The following ZNF713 variants were observed in gnomAD, a reference collection of about 807,000 sequenced individuals.
ZNF713 encodes zinc finger protein 713.
A neutral mutation model predicts 28.7 loss-of-function variants in ZNF713; 21 were observed. That is an observed-to-expected ratio of 0.73 (90% confidence interval 0.52 to 1.05). The LOEUF is 1.05. Ranked by LOEUF, ZNF713 falls within the 50% of genes least tolerant of loss-of-function variation. The pLI, the probability that ZNF713 is intolerant of heterozygous loss-of-function variation, is 0.00. For synonymous variants in ZNF713, 167 were observed against 178.0 expected (o/e 0.94, Z 0.49); for missense variants, 458 against 532.4 (o/e 0.86, Z 1.37).
rs1786022638 is a variant in ZNF713, at chr7:55,923,037, A to G, written c.88-125A>G. 3 of 1,075,868 alleles carry G rather than the reference A, an allele frequency of 2.8e-6. 1 individual carries two copies. The South Asian group carries it at 1.1e-4, about 39-fold the overall frequency. 66.6% of individuals were successfully genotyped at this position (1,075,868 alleles called of 1,614,324 possible). On this transcript the variant is annotated intron_variant, in intron 4 of 6. Transcript: ENST00000429591. ...TTAAAAGAAAAGTTTGACCTGAACA[A>G]CTCAGAGTCCTGAAGACTATCAGCA...
At chr7:55,932,104 A>G (rs971269417) in intron 6 of ZNF713, among the ~76,000 whole-genome samples, 5 of 152,258 alleles carry the variant, frequency 3.3e-5, no homozygotes, top group African/African-American at 9.6e-5. Context: ...TCAATCAGGT[A>G]TAACTGTAAT....
intron 1 of ZNF713, among the ~76,000 whole-genome samples, chr7:55,896,584 T>G (rs1785475754): frequency 7.6e-6 from 1 of 131,694 alleles, no homozygotes; most frequent in African/African-American, 2.7e-5. Context: ...ATTTAATATA[T>G]ATGTGTGTGT....
chr7:55,917,994 A>T, intron 4 of ZNF713: 1 of 454,274 alleles, frequency 2.2e-6, no homozygotes, highest in Non-Finnish European at 4.4e-6. Context: ...AATACCTCCC[A>T]TCCCAAATGC....
intron 6 of ZNF713, among the ~76,000 whole-genome samples, chr7:55,934,285 A>G (rs1468133841): frequency 6.6e-6 from 1 of 152,102 alleles, no homozygotes; most frequent in African/African-American, 2.4e-5. Flanking sequence ...TTCGTGTTCA[A>G]TTTTAGCAGG....
chr7:55,919,506 T>TTTG lies in ZNF713; in HGVS notation c.88-3654_88-3653insGTT, dbSNP rs1562743561. On this transcript the variant is annotated intron_variant, in intron 4 of 6. Coordinates refer to ENST00000429591, the MANE Select transcript of ZNF713 (RefSeq NM_182633.3). ...AACACTCCAGTTTTTTTTTTTTTTTTTTTTTTTTTTTTTTTTTGAGATGAA... is the reference window on the plus strand; with the variant it reads ...AACACTCCAGTTTTTTTTTTTTTTTTTTGTTTTTTTTTTTTTTTTTGAGATGAA... Among the ~76,000 whole-genome samples, 56 of 63,106 alleles carry TTTG rather than the reference T, an allele frequency of 8.9e-4. 1 individual carries two copies. Among genetic ancestry groups the TTTG allele is most frequent in the African/African-American group, 2.1e-3 (28 of 13,404 alleles). The allele number at this position is 63,106 out of a possible 152,430, so 41.4% of individuals were successfully genotyped here.
chr7:55,931,842 G>C (rs182625271), intron 6 of ZNF713, among the ~76,000 whole-genome samples: 3 of 152,324 alleles, frequency 2.0e-5, no homozygotes, highest in East Asian at 3.9e-4. Context: ...CTTAGGCAAT[G>C]AATGCCTTGA....
intron 4 of ZNF713, among the ~76,000 whole-genome samples, chr7:55,921,730 G>T (rs1785996583): frequency 6.6e-6 from 1 of 152,218 alleles, no homozygotes; most frequent in Middle Eastern, 3.2e-3. Context: ...TTTGAATAAT[G>T]TGGAAATGAC....
chr7:55,887,842 C>A (rs1432185385), intron 1 of ZNF713, among the ~76,000 whole-genome samples, 162 bp downstream of exon 1: 585 of 4,942 alleles, frequency 0.12, 163 homozygotes, highest in African/African-American at 0.33. Context: ...GGGCGGCGGG[C>A]GGCGGCGGCG....
chr7:55,891,005 A>AAC (rs1376697949), intron 1 of ZNF713, among the ~76,000 whole-genome samples: 6 of 151,720 alleles, frequency 4.0e-5, no homozygotes, highest in African/African-American at 1.5e-4. Context: ...CAAAAAAAAA[A>AAC]AAAAGAAAAA....
intron 1 of ZNF713, among the ~76,000 whole-genome samples, chr7:55,888,864 A>T (rs976651436): frequency 8.6e-5 from 13 of 151,920 alleles, no homozygotes. Context: ...CCTGGGAAAC[A>T]TGGCAAGACC....
chr7:55,900,216 G>T (rs1466404454), intron 1 of ZNF713, among the ~76,000 whole-genome samples: 1 of 152,186 alleles, frequency 6.6e-6, no homozygotes, highest in South Asian at 2.1e-4. Flanking sequence ...CCCTGTAATC[G>T]CAGCACTTTC....
At chr7:55,937,464 G>C (rs1002262587) in intron 6 of ZNF713, among the ~76,000 whole-genome samples, 3 of 152,118 alleles carry the variant, frequency 2.0e-5, no homozygotes, top group Admixed American at 1.3e-4. Context: ...CAGGGAGAAA[G>C]ATAGAACATG....
rs1359892352 is a variant in ZNF713, at chr7:55,941,782, G to A, written c.*1776G>A. 1 of 152,026 alleles carries A rather than the reference G, an allele frequency of 6.6e-6. No individual in the cohort carries two copies. Among genetic ancestry groups the A allele is most frequent in the African/African-American group, 2.4e-5 (1 of 41,398 alleles). 9.4% of individuals were successfully genotyped at this position (152,026 alleles called of 1,614,324 possible). A position where few individuals can be genotyped will look rare whatever the true frequency, so the allele number is the denominator to read the frequency against. On this transcript the variant is annotated 3_prime_UTR_variant, in exon 7 of 7. Coordinates refer to ENST00000429591, the MANE Select transcript of ZNF713 (RefSeq NM_182633.3). ...TCGTTGATGTCCCCCCAAAAATCTT[G>A]TGTGCCGTTGTTTGAGAAACAGTGT...
Position 55,938,425 on chromosome 7 carries a change from C to CT in ZNF713, c.308-556dup, listed in dbSNP as rs553777488. 2.0e-5 allele frequency among the ~76,000 whole-genome samples: 3 copies of CT among 152,246 alleles called. No individual in the cohort carries two copies. The South Asian group carries it at 6.3e-4, about 32-fold the overall frequency. On this transcript the variant is annotated intron_variant, in intron 6 of 6. Transcript: ENST00000429591. ...AAAATCTGACAAGACAGGCTCTAAACTATTAACAAGGATTTCCTTTAATGG... is the reference window on the plus strand; with the variant it reads ...AAAATCTGACAAGACAGGCTCTAAACTTATTAACAAGGATTTCCTTTAATGG...
In ZNF713 at chr7:55,914,963, T is replaced by C. The variant is rs569786761; in HGVS notation, c.87+2240T>C. ...TCCGCCTCCCGGGTTCAAGTGATTC[T>C]CCTGCCTCAGCCTCCCAAGTAGCTG... is the stretch of plus-strand genomic sequence containing the variant. On this transcript the variant is annotated intron_variant, in intron 4 of 6. Coordinates refer to ENST00000429591, the MANE Select transcript of ZNF713 (RefSeq NM_182633.3). Among the ~76,000 whole-genome samples the C allele has an allele frequency of 2.7e-3, 404 of 152,356 alleles. 1 individual carries two copies. The highest frequency in any genetic ancestry group is 4.6e-3 in the Non-Finnish European group (310 of 68,028).
chr7:55,895,759 C>T (rs532784539), intron 1 of ZNF713, among the ~76,000 whole-genome samples: 13 of 152,190 alleles, frequency 8.5e-5, no homozygotes, highest in Admixed American at 4.6e-4. Flanking sequence ...TGAGCCACTG[C>T]GCCTGGCTTG....
At chr7:55,934,337 T>G (rs773781111) in intron 6 of ZNF713, among the ~76,000 whole-genome samples, 7 of 151,894 alleles carry the variant, frequency 4.6e-5, no homozygotes, top group South Asian at 2.1e-4. Flanking sequence ...ACAAAAGAAA[T>G]AAAACAGCCC....
Position 55,941,992 on chromosome 7 carries a change from TG to T in ZNF713, c.*1988del, listed in dbSNP as rs1439352061. 1 of 152,224 alleles carries T rather than the reference TG, an allele frequency of 6.6e-6. No individual in the cohort carries two copies. Among genetic ancestry groups the T allele is most frequent in the Non-Finnish European group, 1.5e-5 (1 of 68,038 alleles). 9.4% of individuals were successfully genotyped at this position (152,224 alleles called of 1,614,324 possible). A position where few individuals can be genotyped will look rare whatever the true frequency, so the allele number is the denominator to read the frequency against. On this transcript the variant is annotated 3_prime_UTR_variant, in exon 7 of 7. Coordinates refer to ENST00000429591, the MANE Select transcript of ZNF713 (RefSeq NM_182633.3). ...TTTGTTTTAGCTTTAAATTTCCCTGTGGCAAGTCTAGATTTTTTTTCAGTTA... is the reference window on the plus strand; with the variant it reads ...TTTGTTTTAGCTTTAAATTTCCCTGTGCAAGTCTAGATTTTTTTTCAGTTA...
At chr7:55,893,179 G>A (rs557781768) in intron 1 of ZNF713, among the ~76,000 whole-genome samples, 27 of 152,142 alleles carry the variant, frequency 1.8e-4, no homozygotes, top group Non-Finnish European at 3.2e-4. Flanking sequence ...TACCGCGCCC[G>A]GACTAATTTG....
Sources: allele counts gnomAD v4.1 joint callset (sites outside exome capture counted in the v4.1 genomes callset), GRCh38; gene constraint gnomAD v4.1.1; transcripts MANE v1.5; gene names NCBI Gene and HGNC (gene_info 2026-07-23, HGNC 2026-07-21).